Variants in CLIP1 observed in about 807,000 individuals in gnomAD.
CLIP1 encodes CAP-Gly domain-containing linker protein 1.
A neutral mutation model predicts 161.6 loss-of-function variants in CLIP1; 66 were observed. That is an observed-to-expected ratio of 0.41 (90% CI 0.33 to 0.50). CLIP1 has a LOEUF of 0.50. CLIP1 is among the 20% of genes least tolerant of loss of function. The pLI is 0.27. For synonymous variants in CLIP1, 598 were observed against 626.2 expected, an observed-to-expected ratio of 0.96 and a Z score of 0.67; for missense variants, 1,376 against 1,702.0, an observed-to-expected ratio of 0.81 and a Z score of 3.37.
chr12:122,278,751 A>C, intron 23 of CLIP1, 41 bp downstream of exon 23: 4 of 1,529,250 alleles, frequency 2.6e-6, no homozygotes, highest in Non-Finnish European at 3.5e-6. Flanking sequence ...CCTCGGGAGG[A>C]CGCGGGGTGT....
At chr12:122,353,776 G>A (rs1400291487) in intron 7 of CLIP1, among the ~76,000 whole-genome samples, 4 of 151,756 alleles carry the variant, frequency 2.6e-5, no homozygotes, top group Non-Finnish European at 5.9e-5. Flanking sequence ...GATTACAGGC[G>A]CCCGCCAACA....
chr12:122,413,304 T>C (rs1207528277), intron 1 of CLIP1, among the ~76,000 whole-genome samples: 1 of 152,112 alleles, frequency 6.6e-6, no homozygotes, highest in Non-Finnish European at 1.5e-5. Context: ...CTACAATACT[T>C]GAGTAAAAGA....
chr12:122,341,187 C>T lies in CLIP1; in HGVS notation c.2017G>A (p.Glu673Lys), dbSNP rs201352592. The T allele has an allele frequency of 4.1e-5, 66 of 1,614,136 alleles. No individual in the cohort carries two copies. In the African/African-American group the frequency reaches 6.3e-4, roughly 15 times the overall value. Reference sequence around the variant, plus strand: ...TGTTGATTCTGCAAATTTTCTATTTCGTGTTGGTAATCTAGTCTCATTTTC... The same window carrying T: ...TGTTGATTCTGCAAATTTTCTATTTTGTGTTGGTAATCTAGTCTCATTTTC... ...IEKMRLDYQH[E>K]IENLQNQQDS... The change falls in exon 11 of 26, where the codon GAA (glutamate) becomes AAA (lysine). Residue 673 changes from glutamate (E) to lysine (K), a missense_variant. Glu to Lys is a moderately conservative substitution (Grantham distance 56). Transcript: ENST00000620786.
At position 122,273,021 on chromosome 12, in the gene CLIP1, C is replaced by G. The variant is rs1251120121; in HGVS notation, c.4171G>C (p.Glu1391Gln). Residue 1391 changes from glutamate to glutamine, a missense_variant, in exon 26 of 26, where the codon GAG (glutamate) becomes CAG (glutamine). Glu to Gln is a conservative substitution (Grantham distance 29, BLOSUM62 2). Around this residue, in one of 6 missense-constraint regions of CLIP1, gnomAD observed 948 missense variants for 1,134.8 expected, o/e 0.84. Transcript: ENST00000620786. ...ATCTGTGCCTGGGTAGGACAATCCT[C>G]TGTGTCGTGGAGATCAAAGCAGTCA... ...ICDCFDLHDT[E>Q]DCPTQAQMSE... is the part of the protein sequence containing the mutation. The G allele has an allele frequency of 1.2e-6, 2 of 1,614,090 alleles. No homozygotes were observed. The highest frequency in any genetic ancestry group is 8.5e-7 in the Non-Finnish European group (1 of 1,180,048).
intron 1 of CLIP1, among the ~76,000 whole-genome samples, chr12:122,411,764 A>G (rs1021793561): frequency 2.6e-5 from 4 of 152,142 alleles, no homozygotes; most frequent in Non-Finnish European, 5.9e-5. Flanking sequence ...TAGGGCTGGG[A>G]AAGTTGGCAG....
At chr12:122,381,951 G>A (rs1477531999) in intron 1 of CLIP1, among the ~76,000 whole-genome samples, 1 of 152,240 alleles carries the variant, frequency 6.6e-6, no homozygotes, top group Non-Finnish European at 1.5e-5. Context: ...GTGACCAGGT[G>A]CACTGGCTCA....
At chr12:122,313,563 C>A (rs962271644) in intron 19 of CLIP1, among the ~76,000 whole-genome samples, 1 of 151,840 alleles carries the variant, frequency 6.6e-6, no homozygotes, top group Non-Finnish European at 1.5e-5. Flanking sequence ...CCCGTCTCTA[C>A]TAAAAATACA....
At chr12:122,379,870 G>A (rs560821401) in intron 2 of CLIP1, among the ~76,000 whole-genome samples, 76 of 150,838 alleles carry the variant, frequency 5.0e-4, no homozygotes, top group Middle Eastern at 3.4e-3. Context: ...CTTGAACCCC[G>A]GAGGTGGAGG....
In CLIP1 at chr12:122,341,656, C is replaced by T; in HGVS notation, c.1548G>A (p.Glu516=). 6.2e-7 allele frequency: 1 copy of T among 1,607,584 alleles called. No homozygotes were observed. Among genetic ancestry groups the T allele is most frequent in the Non-Finnish European group, 8.5e-7 (1 of 1,178,052 alleles). Residue 516 remains glutamate (E), a synonymous_variant, in exon 11 of 26, where the codon GAG becomes GAA. Transcript: ENST00000620786. ...CCTGTACTCTCAATGCTAGGTCTTT[C>T]TCCAGTTCCATTATACGTGACTTTT... The part of the protein sequence containing the change: ...VSEKSRIMEL[E]KDLALRVQEV...
chr12:122,408,365 T>C (rs1257701396), intron 1 of CLIP1, among the ~76,000 whole-genome samples: 2 of 152,172 alleles, frequency 1.3e-5, no homozygotes, highest in African/African-American at 4.8e-5. Flanking sequence ...ATATATTTTT[T>C]TGAGATGGAG....
intron 20 of CLIP1, among the ~76,000 whole-genome samples, chr12:122,296,242 G>T (rs1480078552): frequency 2.0e-5 from 3 of 152,178 alleles, no homozygotes; most frequent in Admixed American, 6.5e-5. Context: ...GAACCTTTTG[G>T]GGTGAAGGAA....
At chr12:122,394,008 C>A (rs1955788689) in intron 1 of CLIP1, among the ~76,000 whole-genome samples, 1 of 149,636 alleles carries the variant, frequency 6.7e-6, no homozygotes, top group South Asian at 2.1e-4. Flanking sequence ...ACACACAGGG[C>A]AATGCTTTTA....
chr12:122,354,885 C>T (rs755797365), intron 6 of CLIP1: 3 of 590,594 alleles, frequency 5.1e-6, no homozygotes, highest in South Asian at 4.2e-5. Context: ...CCAAAAGACC[C>T]GGACACAAAG....
chr12:122,393,230 G>A (rs1352897110), intron 1 of CLIP1, among the ~76,000 whole-genome samples: 4 of 148,958 alleles, frequency 2.7e-5, no homozygotes, highest in South Asian at 2.1e-4. Flanking sequence ...GTGGCATCTC[G>A]CCTTACTGCA....
chr12:122,340,944 C>G lies in CLIP1; in HGVS notation c.2260G>C (p.Glu754Gln), dbSNP rs764823471. The stretch of plus-strand genomic sequence containing the variant: ...AAATTATCAATAACCTTGGTTTGTT[C>G]ATTGCATTTGGCTTGCAGTACCTCT... Reference protein sequence around the residue: ...ELEVLQAKCNEQTKVIDNFTS... With the variant: ...ELEVLQAKCNQQTKVIDNFTS... The change falls in exon 11 of 26, where the codon GAA becomes CAA. Residue 754 changes from glutamate (E) to glutamine (Q), a missense_variant. Transcript: ENST00000620786. The G allele has an allele frequency of 6.2e-7, 1 of 1,614,198 alleles. No individual in the cohort carries two copies. The highest frequency in any genetic ancestry group is 1.7e-5 in the Admixed American group (1 of 60,022).
At chr12:122,420,531 C>T (rs2137250152) in intron 1 of CLIP1, among the ~76,000 whole-genome samples, 1 of 152,264 alleles carries the variant, frequency 6.6e-6, no homozygotes, top group African/African-American at 2.4e-5. Flanking sequence ...CAGTTTTCCC[C>T]TTTGAACTAG....
chr12:122,296,366 CTT>C (rs984848206), intron 20 of CLIP1, among the ~76,000 whole-genome samples: 62 of 152,214 alleles, frequency 4.1e-4, no homozygotes, highest in African/African-American at 1.4e-3. Flanking sequence ...ATAAACATGA[CTT>C]TGAGAAAAAG....
chr12:122,391,055 G>C (rs1274744900), intron 1 of CLIP1, among the ~76,000 whole-genome samples: 2 of 152,024 alleles, frequency 1.3e-5, no homozygotes, highest in Non-Finnish European at 2.9e-5. Flanking sequence ...TGGGAGGCCG[G>C]GACAGGCAGA....
intron 1 of CLIP1, among the ~76,000 whole-genome samples, chr12:122,410,164 G>A (rs898855056): frequency 6.6e-6 from 1 of 151,652 alleles, no homozygotes; most frequent in African/African-American, 2.4e-5. Context: ...GAGTCACCAT[G>A]CCTAGCCTCA....
Sources: gnomAD v4.1 joint callset for allele counts (sites outside exome capture counted in the v4.1 genomes callset) on GRCh38, gnomAD v4.1.1 for gene constraint, gnomAD v4.1.1 regional missense constraint, MANE v1.5 for transcripts, NCBI Gene and HGNC (gene_info 2026-07-23, HGNC 2026-07-21) for gene names.